FBXW2: variants seen among roughly 807,000 people sequenced by gnomAD.
The protein encoded by FBXW2 is F-box and WD repeat domain containing 2, also known as F-box/WD repeat-containing protein 2.
Under a neutral mutation model 46.0 loss-of-function variants are expected in FBXW2, and 12 were observed. The observed-to-expected ratio is 0.26, with a 90% CI of 0.17 to 0.42. The LOEUF is 0.42. FBXW2 is among the 10% of genes least tolerant of loss of function. The pLI is 1.00. For synonymous variants in FBXW2, 203 were observed against 209.6 expected (o/e 0.97, Z 0.27); for missense variants, 360 against 537.0 (o/e 0.67, Z 3.26).
chr9:120,793,019 A>C (rs1350314890), intron 2 of FBXW2, 130 bp downstream of exon 2: 1 of 1,437,424 alleles, frequency 7.0e-7, no homozygotes, highest in Non-Finnish European at 9.5e-7. Context: ...TTCGCAGCTA[A>C]GGAAATGGAG....
rs772353457 is a variant in FBXW2, at chr9:120,776,207, A to C, written c.705T>G (p.Asn235Lys). ...HTGAVFSVDY[N>K]DELDILVSGS... The stretch of plus-strand genomic sequence containing the variant: ...CGCTCACCAAGATATCCAGTTCATC[A>C]TTGTAGTCCACGCTAAATACTAGTG... Residue 235 changes from asparagine to lysine, a missense_variant, in exon 5 of 8, where the codon AAT becomes AAG. Asn to Lys is a moderately conservative substitution (Grantham distance 94). Coordinates refer to ENST00000608872, the MANE Select transcript of FBXW2 (RefSeq NM_012164.4). 1 of 1,614,132 alleles carries C rather than the reference A, an allele frequency of 6.2e-7. No individual in the cohort carries two copies. Among genetic ancestry groups the C allele is most frequent in the Non-Finnish European group, 8.5e-7 (1 of 1,180,016 alleles).
At chr9:120,771,305 G>A (rs756520360) in intron 7 of FBXW2, 43 bp downstream of exon 7, 2 of 1,554,936 alleles carry the variant, frequency 1.3e-6, no homozygotes, top group Middle Eastern at 1.7e-4. Context: ...CTGAACTGCA[G>A]CAGGCTTTCA....
At chr9:120,777,521 C>G (rs367662198) in intron 4 of FBXW2, among the ~76,000 whole-genome samples, 5 of 152,212 alleles carry the variant, frequency 3.3e-5, no homozygotes, top group African/African-American at 1.2e-4. Context: ...TACAGTAATA[C>G]AAGTTACTGG....
chr9:120,786,808 G>T (rs1402202631), intron 3 of FBXW2, among the ~76,000 whole-genome samples: 2 of 151,908 alleles, frequency 1.3e-5, no homozygotes, highest in African/African-American at 2.4e-5. Flanking sequence ...CTAACACATG[G>T]GCATTAGTTA....
chr9:120,761,058 C>T lies in FBXW2; in HGVS notation c.*3501G>A, dbSNP rs2044189993. The T allele has an allele frequency of 6.6e-6, 1 of 152,230 alleles. No individual in the cohort carries two copies. The highest frequency in any genetic ancestry group is 2.4e-5 in the African/African-American group (1 of 41,466). The allele number at this position is 152,230 out of a possible 1,614,324, so 9.4% of individuals were successfully genotyped here. A position where few individuals can be genotyped will look rare whatever the true frequency, so the allele number is the denominator to read the frequency against. On this transcript the variant is annotated 3_prime_UTR_variant, in exon 8 of 8. Coordinates refer to ENST00000608872, the MANE Select transcript of FBXW2 (RefSeq NM_012164.4). ...ATGAACAGCTATCCAATTGCATGCA[C>T]CTTCCTGCAGAACTTCTTCCAAGTC...
chr9:120,783,254 G>A (rs2131356006), intron 3 of FBXW2, among the ~76,000 whole-genome samples: 1 of 152,156 alleles, frequency 6.6e-6, no homozygotes, highest in South Asian at 2.1e-4. Context: ...GAATCCTTTA[G>A]GAATCACTGT....
intron 3 of FBXW2, among the ~76,000 whole-genome samples, chr9:120,784,504 C>T (rs2044677709): frequency 6.6e-6 from 1 of 151,704 alleles, no homozygotes; most frequent in Non-Finnish European, 1.5e-5. Flanking sequence ...CCCAGCTAAA[C>T]CCGGGAGGCT....
intron 2 of FBXW2, among the ~76,000 whole-genome samples, chr9:120,791,294 G>T (rs2044835163): frequency 6.6e-6 from 1 of 152,200 alleles, no homozygotes; most frequent in Non-Finnish European, 1.5e-5. Flanking sequence ...GCTACCTCCA[G>T]AGTAGTGAGT....
At chr9:120,792,084 G>A (rs1029453380) in intron 2 of FBXW2, among the ~76,000 whole-genome samples, 1 of 152,108 alleles carries the variant, frequency 6.6e-6, no homozygotes, top group African/African-American at 2.4e-5. Context: ...CAGTAATGCC[G>A]CCCTTAACTA....
At chr9:120,769,247 T>A (rs2044328344) in intron 7 of FBXW2, among the ~76,000 whole-genome samples, 2 of 152,236 alleles carry the variant, frequency 1.3e-5, no homozygotes, top group South Asian at 4.1e-4. Context: ...CCAGAGGATT[T>A]GTAGTAGGTT....
At chr9:120,775,054 T>C (rs949438699) in intron 5 of FBXW2, among the ~76,000 whole-genome samples, 1 of 152,112 alleles carries the variant, frequency 6.6e-6, no homozygotes. Context: ...AACTAATTAC[T>C]TTCCTATACT....
intron 7 of FBXW2, among the ~76,000 whole-genome samples, chr9:120,765,450 G>A (rs2044259181): frequency 6.6e-6 from 1 of 152,200 alleles, no homozygotes. Flanking sequence ...GGATCTTACA[G>A]ATAACATTTA....
Position 120,759,346 on chromosome 9 carries a change from G to A in FBXW2, c.*5213C>T, listed in dbSNP as rs1185134662. On this transcript the variant is annotated 3_prime_UTR_variant, in exon 8 of 8. Coordinates refer to ENST00000608872, the MANE Select transcript of FBXW2 (RefSeq NM_012164.4). ...ACAATCACTCACGGGTAAAAAGAGT[G>A]CTTCTATGATGCAAGAAAATAACTT... is the stretch of plus-strand genomic sequence containing the variant. 7 of 152,188 alleles carry A rather than the reference G, an allele frequency of 4.6e-5. No homozygotes were observed. The highest frequency in any genetic ancestry group is 1.7e-4 in the African/African-American group (7 of 41,442). 9.4% of individuals were successfully genotyped at this position (152,188 alleles called of 1,614,324 possible).
At chr9:120,771,691 G>C (rs76978994) in intron 6 of FBXW2, among the ~76,000 whole-genome samples, 174 bp from the exon 7 acceptor site, 2,692 of 152,164 alleles carry the variant, frequency 0.018, 45 homozygotes, top group Non-Finnish European at 0.029. Flanking sequence ...TGCAATCTTG[G>C]GTAAATTATT....
intron 3 of FBXW2, among the ~76,000 whole-genome samples, chr9:120,781,369 C>T (rs1166448895): frequency 6.6e-6 from 1 of 152,108 alleles, no homozygotes; most frequent in Non-Finnish European, 1.5e-5. Context: ...GAGTTATTTA[C>T]AATGCTTGTC....
At chr9:120,780,056 T>TA (rs1188934086) in intron 3 of FBXW2, among the ~76,000 whole-genome samples, 1 of 151,200 alleles carries the variant, frequency 6.6e-6, no homozygotes, top group Non-Finnish European at 1.5e-5. Flanking sequence ...GAGAATCGCT[T>TA]GAGCTGGGGA....
intron 3 of FBXW2, among the ~76,000 whole-genome samples, chr9:120,782,636 G>A (rs1245347439): frequency 6.6e-6 from 1 of 152,090 alleles, no homozygotes; most frequent in Non-Finnish European, 1.5e-5. Flanking sequence ...AAGCCCAGGA[G>A]TTAGAGATCA....
intron 2 of FBXW2, among the ~76,000 whole-genome samples, chr9:120,790,134 G>A (rs1175050935): frequency 6.6e-6 from 1 of 152,120 alleles, no homozygotes; most frequent in Admixed American, 6.6e-5. Flanking sequence ...TATCTTCTGT[G>A]GGCATCTGCA....
rs550988546 is a variant in FBXW2 at position 120,760,660 on chromosome 9, A to C, written c.*3899T>G. 2.6e-5 allele frequency: 4 copies of C among 152,228 alleles called. No individual in the cohort carries two copies. Among genetic ancestry groups the C allele is most frequent in the African/African-American group, 9.6e-5 (4 of 41,538 alleles). The allele number at this position is 152,228 out of a possible 1,614,324, so 9.4% of individuals were successfully genotyped here. A position where few individuals can be genotyped will look rare whatever the true frequency, so the allele number is the denominator to read the frequency against. The stretch of plus-strand genomic sequence containing the variant: ...ACAAAAAAAACAAAACAAAACAAAA[A>C]AAACAGTGATGTTGGTAGGATTCAC... On this transcript the variant is annotated 3_prime_UTR_variant, in exon 8 of 8. Coordinates refer to ENST00000608872, the MANE Select transcript of FBXW2 (RefSeq NM_012164.4).
Sources: allele counts gnomAD v4.1 joint callset (sites outside exome capture counted in the v4.1 genomes callset), GRCh38; gene constraint gnomAD v4.1.1; transcripts MANE v1.5; gene names NCBI Gene and HGNC (gene_info 2026-07-23, HGNC 2026-07-21).